The following ZFHX3 variants were observed in gnomAD, a reference collection of about 807,000 sequenced individuals.
The protein encoded by ZFHX3 is zinc finger homeobox 3.
ZFHX3 carries 42 observed loss-of-function variants against 279.1 expected under a neutral mutation model. The ratio of observed to expected loss-of-function variants is 0.15; its 90% CI spans 0.12 to 0.19. ZFHX3 has a LOEUF of 0.19. Ranked by LOEUF, ZFHX3 falls within the 10% of genes least tolerant of loss-of-function variation. ZFHX3 has a pLI of 1.00. For missense variants in ZFHX3, 4,981 were observed against 4,754.0 expected, an observed-to-expected ratio of 1.05 and a Z score of -1.40; for synonymous variants, 2,293 against 1,957.8, an observed-to-expected ratio of 1.17 and a Z score of -4.52.
intron 2 of ZFHX3, among the ~76,000 whole-genome samples, chr16:73,522,117 G>A (rs1022300103): frequency 2.6e-5 from 4 of 152,140 alleles, no homozygotes; most frequent in Admixed American, 1.3e-4. Context: ...AATGAAGTTT[G>A]ACATCACAGC....
At chr16:73,368,410 A>C (rs1052026972) in intron 3 of ZFHX3, among the ~76,000 whole-genome samples, 4 of 152,118 alleles carry the variant, frequency 2.6e-5, no homozygotes, top group Non-Finnish European at 5.9e-5. Context: ...AAGAGTGTGA[A>C]TTCAGTTGCT....
intron 1 of ZFHX3, among the ~76,000 whole-genome samples, chr16:73,686,215 C>T (rs2053081868): frequency 6.6e-6 from 1 of 152,132 alleles, no homozygotes; most frequent in Non-Finnish European, 1.5e-5. Context: ...CTGCCTCAGC[C>T]TCCTGAGTAG....
intron 5 of ZFHX3, among the ~76,000 whole-genome samples, chr16:72,822,795 GTTTTTTTTT>G (rs11365314): frequency 3.9e-4 from 35 of 90,438 alleles, no homozygotes; most frequent in Non-Finnish European, 6.4e-5. Context: ...TAGAAAGTGA[GTTTTTTTTT>G]TTTTTTTTTT....
chr16:72,982,694 C>T (rs1484918183), intron 1 of ZFHX3, among the ~76,000 whole-genome samples: 2 of 152,034 alleles, frequency 1.3e-5, no homozygotes, highest in South Asian at 2.1e-4. Context: ...GTGGAGGGCC[C>T]GAGAAACAAA....
rs563594353 is a variant in ZFHX3 at position 73,095,254 on chromosome 16, A to G, written c.-896-1656T>C. Among the ~76,000 whole-genome samples the G allele has an allele frequency of 4.3e-4, 66 of 152,070 alleles. No individual in the cohort carries two copies. The South Asian group carries it at 0.013, about 31-fold the overall frequency. ...GATGCTTCTCTTAATATTATACTGG[A>G]TGAAAAGAAAATAAAAGACATCCCA... On this transcript the variant is annotated intron_variant, in intron 7 of 17. Coordinates refer to the ZFHX3 transcript ENST00000641206.
chr16:73,692,773 A>G (rs1301901739), intron 1 of ZFHX3, among the ~76,000 whole-genome samples: 1 of 152,356 alleles, frequency 6.6e-6, no homozygotes, highest in Non-Finnish European at 1.5e-5. Context: ...AAAATATGCC[A>G]TCTCATTTCT....
chr16:73,030,571 A>G (rs1040199393), intron 1 of ZFHX3, among the ~76,000 whole-genome samples: 2 of 152,182 alleles, frequency 1.3e-5, no homozygotes, highest in Non-Finnish European at 2.9e-5. Context: ...CTATTGACTC[A>G]CGCAATGCCT....
chr16:73,421,421 T>C (rs1288216939), intron 3 of ZFHX3: 1 of 152,252 alleles, frequency 6.6e-6, no homozygotes, highest in African/African-American at 2.4e-5. Flanking sequence ...GTGAAATGTT[T>C]TGTGATGCTA....
intron 1 of ZFHX3, among the ~76,000 whole-genome samples, chr16:73,751,099 A>T (rs1162547249): frequency 1.3e-5 from 2 of 152,194 alleles, no homozygotes; most frequent in Non-Finnish European, 2.9e-5. Flanking sequence ...GAATAAACAG[A>T]CCTGGTTTCC....
At chr16:72,845,504 C>T (rs114019776) in intron 4 of ZFHX3, among the ~76,000 whole-genome samples, 5 of 152,180 alleles carry the variant, frequency 3.3e-5, no homozygotes, top group African/African-American at 4.8e-5. Flanking sequence ...ACCAGGCCTG[C>T]GTGGGCTCTC....
In ZFHX3 at chr16:72,788,372, A is replaced by G. The variant is rs2035546376; in HGVS notation, c.9904T>C (p.Leu3302=). The change falls in exon 10 of 10, where the codon TTG becomes CTG. Residue 3302 remains leucine, a synonymous_variant. Coordinates refer to ENST00000268489, the MANE Select transcript of ZFHX3 (RefSeq NM_006885.4). ...TAAGGAAGGAACTGGCTTGTGAGCA[A>G]TGCTGTGGGGTCCGAAGTCAACGCG... ...QAALTSDPTA[L]LTSQFLPYFV... 1 of 1,614,040 alleles carries G rather than the reference A, an allele frequency of 6.2e-7. No homozygotes were observed. The highest frequency in any genetic ancestry group is 8.5e-7 in the Non-Finnish European group (1 of 1,180,026).
At chr16:73,259,741 G>A (rs2013765494) in intron 4 of ZFHX3, among the ~76,000 whole-genome samples, 2 of 152,156 alleles carry the variant, frequency 1.3e-5, no homozygotes, top group Non-Finnish European at 2.9e-5. Flanking sequence ...TACCCAGATT[G>A]TCTAAACATT....
intron 4 of ZFHX3, among the ~76,000 whole-genome samples, chr16:73,266,297 T>G (rs1016532691): frequency 8.5e-5 from 13 of 152,270 alleles, no homozygotes; most frequent in Admixed American, 7.2e-4. Context: ...GGAATGTTAC[T>G]GCTACACATT....
chr16:73,705,999 C>T (rs998795759), intron 1 of ZFHX3, among the ~76,000 whole-genome samples: 1 of 152,112 alleles, frequency 6.6e-6, no homozygotes, highest in African/African-American at 2.4e-5. Context: ...GCCTCTAAGC[C>T]ACCCAGAAAT....
intron 5 of ZFHX3, among the ~76,000 whole-genome samples, chr16:73,168,494 A>T (rs1244428279): frequency 6.6e-6 from 1 of 152,070 alleles, no homozygotes; most frequent in Non-Finnish European, 1.5e-5. Context: ...GGCCTCAAGC[A>T]GGTCTCCTAC....
chr16:73,798,412 A>G (rs1960055524), intron 1 of ZFHX3, among the ~76,000 whole-genome samples: 1 of 152,030 alleles, frequency 6.6e-6, no homozygotes, highest in Non-Finnish European at 1.5e-5. Flanking sequence ...AAACAGGCCA[A>G]AATTTAAGGA....
intron 5 of ZFHX3, among the ~76,000 whole-genome samples, chr16:73,221,553 G>A (rs767897848): frequency 2.6e-4 from 40 of 151,990 alleles, no homozygotes; most frequent in Non-Finnish European, 4.4e-4. Flanking sequence ...AGAAATCACC[G>A]CTAAAGAACT....
intron 5 of ZFHX3, among the ~76,000 whole-genome samples, chr16:73,221,060 A>G (rs2012403010): frequency 6.6e-6 from 1 of 152,128 alleles, no homozygotes; most frequent in South Asian, 2.1e-4. Flanking sequence ...TGCGCCATGG[A>G]ATTCATTAGG....
intron 2 of ZFHX3, chr16:73,487,423 G>A: frequency 7.0e-6 from 2 of 284,142 alleles, no homozygotes; most frequent in South Asian, 2.3e-5. Flanking sequence ...TTTTTTTTTT[G>A]GCAGAGTCTC....
Sources: gnomAD v4.1 joint callset for allele counts (sites outside exome capture counted in the v4.1 genomes callset) on GRCh38, gnomAD v4.1.1 for gene constraint, MANE v1.5 for transcripts, NCBI Gene and HGNC (gene_info 2026-07-23, HGNC 2026-07-21) for gene names.